Variants in BICD1 observed in about 807,000 individuals in gnomAD.
The protein encoded by BICD1 is protein bicaudal D homolog 1.
In BICD1, 35 loss-of-function variants were observed where a neutral mutation model predicts 92.5. The ratio of observed to expected loss-of-function variants is 0.38; its 90% CI spans 0.29 to 0.50. The LOEUF is 0.50. BICD1 is among the 20% of genes least tolerant of loss of function. BICD1 has a pLI of 0.93. For missense variants in BICD1, 950 were observed against 1,189.8 expected (o/e 0.80, Z 2.97); for synonymous variants, 429 against 465.1 (o/e 0.92, Z 1.00).
intron 6 of BICD1, among the ~76,000 whole-genome samples, chr12:32,335,926 C>G (rs967428930): frequency 2.0e-5 from 3 of 152,004 alleles, no homozygotes; most frequent in African/African-American, 7.2e-5. Context: ...AAACTTGGTG[C>G]AAAATTCACG....
intron 1 of BICD1, among the ~76,000 whole-genome samples, chr12:32,122,488 CAAAA>C (rs11336919): frequency 7.1e-6 from 1 of 140,394 alleles, no homozygotes; most frequent in Non-Finnish European, 1.5e-5. Flanking sequence ...GACTCCGTTT[CAAAA>C]AAAAAAAAAA....
chr12:32,114,522 A>G (rs1941818765), intron 1 of BICD1, among the ~76,000 whole-genome samples: 1 of 152,052 alleles, frequency 6.6e-6, no homozygotes. Context: ...CTGGGACTAC[A>G]GGTGCACACC....
chr12:32,226,488 A>C (rs34285016), intron 2 of BICD1, among the ~76,000 whole-genome samples: 24,486 of 152,212 alleles, frequency 0.16, 2,196 homozygotes, highest in East Asian at 0.28. Context: ...ATAGAGAATT[A>C]TCTTTAAATA....
Position 32,305,808 on chromosome 12 carries a change from C to A in BICD1, c.691C>A (p.Leu231Met), listed in dbSNP as rs1188298106. Residue 231 changes from leucine (L) to methionine (M), a missense_variant, in exon 4 of 10, where the codon CTG becomes ATG. Physicochemically the swap from Leu to Met is conservative, Grantham distance 15. This residue lies in a region of BICD1 where 246 missense variants were observed against 258.4 expected (regional missense o/e 0.95). Coordinates refer to ENST00000652176, the MANE Select transcript of BICD1 (RefSeq NM_001714.4). ...IRLKEIAEHQ[L>M]EEALETLKNE... Reference sequence around the variant, plus strand: ...ATTGAAAGAGATTGCTGAGCACCAACTGGAAGAAGCCCTCGAGACTTTAAA... The same window carrying A: ...ATTGAAAGAGATTGCTGAGCACCAAATGGAAGAAGCCCTCGAGACTTTAAA... 1 of 1,614,200 alleles carries A rather than the reference C, an allele frequency of 6.2e-7. No individual in the cohort carries two copies. The highest frequency in any genetic ancestry group is 2.2e-5 in the East Asian group (1 of 44,888).
chr12:32,238,071 G>A (rs1478119249), intron 2 of BICD1, among the ~76,000 whole-genome samples: 1 of 152,176 alleles, frequency 6.6e-6, no homozygotes, highest in Admixed American at 6.5e-5. Context: ...GAGTTTCGAA[G>A]AAGTTGATTC....
In BICD1 at chr12:32,306,082, A is replaced by G. The variant is rs1342282029; in HGVS notation, c.965A>G (p.Asn322Ser). ...GTCTCTGACTTATTCAGTGAGCTGA[A>G]CATTTCAGAAATACAGAAGTTGAAG... ...NPVSDLFSEL[N>S]ISEIQKLKQQ... The change falls in exon 4 of 10, where the codon AAC (asparagine) becomes AGC (serine). Residue 322 changes from asparagine to serine, a missense_variant. Coordinates refer to ENST00000652176, the MANE Select transcript of BICD1 (RefSeq NM_001714.4). 1 of 1,609,092 alleles carries G rather than the reference A, an allele frequency of 6.2e-7. No individual in the cohort carries two copies.
intron 2 of BICD1, among the ~76,000 whole-genome samples, chr12:32,238,191 A>G (rs575976267): frequency 1.3e-5 from 2 of 152,274 alleles, no homozygotes; most frequent in African/African-American, 2.4e-5. Context: ...TCACAAGCAT[A>G]GAGTTCAAGA....
At chr12:32,320,554 A>G (rs1472797410) in intron 4 of BICD1, among the ~76,000 whole-genome samples, 1 of 152,136 alleles carries the variant, frequency 6.6e-6, no homozygotes, top group Non-Finnish European at 1.5e-5. Flanking sequence ...AGGCAGGAGA[A>G]TTGCTTGAAC....
At chr12:32,240,792 G>A (rs1946215070) in intron 2 of BICD1, among the ~76,000 whole-genome samples, 1 of 152,114 alleles carries the variant, frequency 6.6e-6, no homozygotes, top group Non-Finnish European at 1.5e-5. Context: ...TAAGAAAGAA[G>A]AGTAAAAGAT....
intron 2 of BICD1, among the ~76,000 whole-genome samples, chr12:32,290,298 A>G (rs1037645180): frequency 1.2e-4 from 19 of 152,104 alleles, no homozygotes; most frequent in African/African-American, 3.9e-4. Context: ...TCTCTGGGGA[A>G]CTCCTTACAA....
intron 1 of BICD1, among the ~76,000 whole-genome samples, chr12:32,183,324 G>A (rs1490371849): frequency 6.7e-6 from 1 of 149,684 alleles, no homozygotes; most frequent in East Asian, 2.0e-4. Context: ...CCAGGCTGGA[G>A]TGCAGTGGTG....
At chr12:32,349,759 G>T (rs1938785927) in intron 8 of BICD1, among the ~76,000 whole-genome samples, 1 of 152,070 alleles carries the variant, frequency 6.6e-6, no homozygotes, top group Admixed American at 6.5e-5. Context: ...CTTTTTTGAT[G>T]ATTTAAAGTG....
At chr12:32,139,791 A>T (rs972237647) in intron 1 of BICD1, among the ~76,000 whole-genome samples, 1 of 152,006 alleles carries the variant, frequency 6.6e-6, no homozygotes, top group Non-Finnish European at 1.5e-5. Context: ...CAAACCCCTG[A>T]CCTCGCGATC....
At chr12:32,346,596 ATATATATATATATATACG>A (rs1938615016) in intron 8 of BICD1, among the ~76,000 whole-genome samples, 1 of 18,006 alleles carries the variant, frequency 5.6e-5, no homozygotes, top group Non-Finnish European at 7.7e-5. Flanking sequence ...GTATATATAT[ATATATATATATATATACG>A]TGTATATATA....
In BICD1 at chr12:32,379,209, A is replaced by G. The variant is rs570291633; in HGVS notation, c.*1582A>G. 5.2e-5 allele frequency: 8 copies of G among 152,400 alleles called. No individual in the cohort carries two copies. The highest frequency in any genetic ancestry group is 1.9e-4 in the African/African-American group (8 of 41,592). The allele number at this position is 152,400 out of a possible 1,614,324, so 9.4% of individuals were successfully genotyped here. A position where few individuals can be genotyped will look rare whatever the true frequency, so the allele number is the denominator to read the frequency against. ...GAGAAAGGAGATCCAGGAGCCACTC[A>G]GCTTATTGAGCGGACATGGGTGGCA... On this transcript the variant is annotated 3_prime_UTR_variant, in exon 10 of 10. Coordinates refer to ENST00000652176, the MANE Select transcript of BICD1 (RefSeq NM_001714.4).
intron 1 of BICD1, among the ~76,000 whole-genome samples, chr12:32,175,299 T>C (rs966638999): frequency 2.0e-5 from 3 of 152,184 alleles, no homozygotes; most frequent in Non-Finnish European, 4.4e-5. Context: ...TACCTTGTGT[T>C]TCTAACACAT....
Position 32,334,554 on chromosome 12 carries a change from T to C in BICD1, c.2139T>C (p.Tyr713=), listed in dbSNP as rs139319862. 1.4e-5 allele frequency: 23 copies of C among 1,611,656 alleles called. No homozygotes were observed. The highest frequency in any genetic ancestry group is 1.4e-5 in the Non-Finnish European group (17 of 1,179,008). ...CGCTAGCTAATCTCAAGAACAAATA[T>C]GAAAATGAAAAAGCAATGGTGACTG... ...EVALANLKNK[Y]ENEKAMVTET... is the part of the protein sequence containing the mutation. Residue 713 remains tyrosine (Y), a synonymous_variant, in exon 6 of 10, where the codon TAT becomes TAC. Transcript: ENST00000652176.
At chr12:32,216,544 G>T in intron 2 of BICD1, 85 bp downstream of exon 2, 1 of 1,432,168 alleles carries the variant, frequency 7.0e-7, no homozygotes, top group South Asian at 1.3e-5. Context: ...TAACACTTTT[G>T]TTTTAATCAG....
intron 8 of BICD1, among the ~76,000 whole-genome samples, chr12:32,360,869 G>A (rs530958481): frequency 6.6e-6 from 1 of 152,188 alleles, no homozygotes; most frequent in African/African-American, 2.4e-5. Flanking sequence ...GCTAAATGAC[G>A]GAATAGGATC....
Sources: allele counts gnomAD v4.1 joint callset (sites outside exome capture counted in the v4.1 genomes callset), GRCh38; gene constraint gnomAD v4.1.1; regional missense constraint gnomAD v4.1.1; transcripts MANE v1.5; gene names NCBI Gene and HGNC (gene_info 2026-07-23, HGNC 2026-07-21).